The following LUC7L variants were observed in gnomAD, a reference collection of about 807,000 sequenced individuals.
The protein encoded by LUC7L is LUC7 like.
Under a neutral mutation model 51.1 loss-of-function variants are expected in LUC7L, and 29 were observed. The ratio of observed to expected loss-of-function variants is 0.57; its 90% CI spans 0.42 to 0.77. LUC7L has a LOEUF of 0.77. Among genes scored for constraint, LUC7L ranks in the 30% least tolerant of loss-of-function variants. The probability of loss-of-function intolerance (pLI) is 0.00; values close to 1 mark genes in which losing one functional copy is unlikely to be tolerated. For missense variants in LUC7L, 403 were observed against 511.9 expected (o/e 0.79, Z 2.05); for synonymous variants, 181 against 180.7 (o/e 1.00, Z -0.01).
intron 5 of LUC7L, among the ~76,000 whole-genome samples, 184 bp from the exon 6 acceptor site, chr16:199,422 G>A (rs940580105): frequency 3.9e-5 from 6 of 152,072 alleles, no homozygotes; most frequent in African/African-American, 1.2e-4. Flanking sequence ...TAAGAAACGC[G>A]GCCAGGCACG....
intron 3 of LUC7L, among the ~76,000 whole-genome samples, chr16:215,615 C>T (rs1425536927): frequency 6.7e-6 from 1 of 148,210 alleles, no homozygotes; most frequent in African/African-American, 2.5e-5. Flanking sequence ...AAAAGCAAAA[C>T]TCCGTCTCAA....
intron 3 of LUC7L, among the ~76,000 whole-genome samples, chr16:217,260 A>C (rs549624299): frequency 6.6e-6 from 1 of 151,466 alleles, no homozygotes; most frequent in East Asian, 2.0e-4. Flanking sequence ...CAGGTGATCC[A>C]CCCACCTCAG....
At chr16:198,105 A>G (rs2049208272) in intron 6 of LUC7L, among the ~76,000 whole-genome samples, 2 of 151,728 alleles carry the variant, frequency 1.3e-5, no homozygotes, top group African/African-American at 4.8e-5. Flanking sequence ...CGTCTCTACT[A>G]AAAATACAAC....
chr16:190,213 G>A, intron 8 of LUC7L, 78 bp from the exon 9 acceptor site: 1 of 1,260,262 alleles, frequency 7.9e-7, no homozygotes, highest in Non-Finnish European at 1.1e-6. Flanking sequence ...AGCAGATTCT[G>A]CTTGCTGCTT....
intron 6 of LUC7L, 74 bp downstream of exon 6, chr16:198,988 A>C (rs2049242346): frequency 2.8e-6 from 4 of 1,446,098 alleles, no homozygotes; most frequent in Non-Finnish European, 3.7e-6. Context: ...CCAAAACATA[A>C]GGTTTTTAAA....
chr16:219,119 G>A (rs181123664), intron 3 of LUC7L, among the ~76,000 whole-genome samples: 66 of 151,934 alleles, frequency 4.3e-4, no homozygotes, highest in South Asian at 2.1e-3. Flanking sequence ...GGACAGGCGC[G>A]GTGGCTCACA....
Position 229,293 on chromosome 16 carries a change from C to A in LUC7L, c.47G>T (p.Gly16Val). 1 of 1,541,152 alleles carries A rather than the reference C, an allele frequency of 6.5e-7. No homozygotes were observed. Among genetic ancestry groups the A allele is most frequent in the Non-Finnish European group, 8.7e-7 (1 of 1,151,084 alleles). Residue 16 changes from glycine (G) to valine (V), a missense_variant, in exon 1 of 10, where the codon GGC becomes GTC. By Grantham distance (109) the Gly-to-Val change is moderately radical. This residue lies in a region of LUC7L where 182 missense variants were observed against 248.4 expected (regional missense o/e 0.73). Coordinates refer to ENST00000293872, the MANE Select transcript of LUC7L (RefSeq NM_201412.3). ...QMRALLDQLM[G>V]TARDGDETRQ... ...CTCTGACTCACCGTCCCGAGCCGTGCCCATGAGCTGGTCCAGCAGGGCCCG... is the reference window on the plus strand; with the variant it reads ...CTCTGACTCACCGTCCCGAGCCGTGACCATGAGCTGGTCCAGCAGGGCCCG...
chr16:189,826 G>C (rs1366527743), intron 9 of LUC7L, 142 bp downstream of exon 9: 1 of 1,446,596 alleles, frequency 6.9e-7, no homozygotes, highest in Admixed American at 2.8e-5. Flanking sequence ...TCCCACACCT[G>C]AGTCCCGTTC....
chr16:217,743 CAG>C, intron 3 of LUC7L, among the ~76,000 whole-genome samples: 2 of 145,122 alleles, frequency 1.4e-5, no homozygotes, highest in South Asian at 4.4e-4. Flanking sequence ...AATAAATAAA[CAG>C]AATTTACTTG....
rs200835419 is a variant in LUC7L, at chr16:220,793, G to A, written c.157-46C>T. 218 of 1,300,278 alleles carry A rather than the reference G, an allele frequency of 1.7e-4. No individual in the cohort carries two copies. In the African/African-American group the frequency reaches 2.0e-3, roughly 12 times the overall value. The allele number at this position is 1,300,278 out of a possible 1,614,324, so 80.5% of individuals were successfully genotyped here. The stretch of plus-strand genomic sequence containing the variant: ...ATGCAGACCTCAGTGCCTACCTACT[G>A]TAGAAAGCACACAACGCGACTTGGT... On this transcript the variant is annotated intron_variant, in intron 2 of 9. Coordinates refer to ENST00000293872, the MANE Select transcript of LUC7L (RefSeq NM_201412.3).
intron 3 of LUC7L, among the ~76,000 whole-genome samples, chr16:218,983 C>A (rs189316608): frequency 6.7e-6 from 1 of 148,718 alleles, no homozygotes; most frequent in African/African-American, 2.5e-5. Flanking sequence ...CCTATACCCG[C>A]AGCTACTCAG....
chr16:215,568 C>T (rs888573643), intron 3 of LUC7L, among the ~76,000 whole-genome samples: 6 of 150,232 alleles, frequency 4.0e-5, no homozygotes, highest in Admixed American at 6.7e-5. Context: ...TGCAGTGAGC[C>T]GAGATCATCG....
At chr16:227,394 T>C in intron 1 of LUC7L, 58 bp from the exon 2 acceptor site, 11 of 1,545,540 alleles carry the variant, frequency 7.1e-6, no homozygotes, top group Non-Finnish European at 9.6e-6. Flanking sequence ...CACCAAAAAA[T>C]AACTAGTATA....
Position 227,261 on chromosome 16 carries a change from T to C in LUC7L, c.137A>G (p.His46Arg), listed in dbSNP as rs763423570. The C allele has an allele frequency of 6.2e-7, 1 of 1,613,096 alleles. No individual in the cohort carries two copies. Among genetic ancestry groups the C allele is most frequent in the South Asian group, 1.1e-5 (1 of 90,760 alleles). ...ACCTACCGTCCCAGCCAGGATGTCA[T>C]GGGGGCAGCAGTCCAGAAGGTGACT... is the stretch of plus-strand genomic sequence containing the variant. Reference protein sequence around the residue: ...CKSHLLDCCPHDILAGTRMDL... With the variant: ...CKSHLLDCCPRDILAGTRMDL... Residue 46 changes from histidine (H) to arginine (R), a missense_variant, in exon 2 of 10, where the codon CAT becomes CGT. Transcript: ENST00000293872.
chr16:220,838 GA>G, intron 2 of LUC7L, 91 bp from the exon 3 acceptor site: 1 of 788,262 alleles, frequency 1.3e-6, no homozygotes, highest in Non-Finnish European at 2.2e-6. Flanking sequence ...GTCACCAACA[GA>G]AATGATCACT....
intron 5 of LUC7L, among the ~76,000 whole-genome samples, chr16:201,242 TAAAAAAAAAAAAAA>T (rs764945208): frequency 1.3e-5 from 1 of 78,520 alleles, no homozygotes; most frequent in Admixed American, 1.8e-4. Flanking sequence ...GCTACATAAC[TAAAAAAAAAAAAAA>T]AAAAAAAAAA....
intron 2 of LUC7L, among the ~76,000 whole-genome samples, chr16:224,411 C>A (rs917605290): frequency 1.3e-5 from 2 of 151,288 alleles, no homozygotes; most frequent in Non-Finnish European, 2.9e-5. Flanking sequence ...CCCAGCTACT[C>A]GGGAGGCTGA....
At chr16:210,493 G>A (rs1233284073) in intron 3 of LUC7L, among the ~76,000 whole-genome samples, 1 of 152,128 alleles carries the variant, frequency 6.6e-6, no homozygotes, top group African/African-American at 2.4e-5. Context: ...GGGTCACTGT[G>A]CCTTCTCTTC....
chr16:222,560 C>T (rs2050002674), intron 2 of LUC7L, among the ~76,000 whole-genome samples: 1 of 151,784 alleles, frequency 6.6e-6, no homozygotes, highest in Admixed American at 6.6e-5. Context: ...ATCGCTTGAG[C>T]CTAGGAGGTC....
Sources: allele counts gnomAD v4.1 joint callset (sites outside exome capture counted in the v4.1 genomes callset), GRCh38; gene constraint gnomAD v4.1.1; regional missense constraint gnomAD v4.1.1; transcripts MANE v1.5; gene names NCBI Gene and HGNC (gene_info 2026-07-23, HGNC 2026-07-21).